The following ITGAE variants were observed in gnomAD, a reference collection of about 807,000 sequenced individuals.
ITGAE encodes the protein integrin alpha-E.
Under a neutral mutation model 136.5 loss-of-function variants are expected in ITGAE, and 99 were observed. The ratio of observed to expected loss-of-function variants is 0.73; its 90% CI spans 0.62 to 0.86. The LOEUF (loss-of-function observed/expected upper bound fraction) is 0.86, where lower values mean the gene tolerates loss of function less well. ITGAE is among the 40% of genes least tolerant of loss of function. The pLI, the probability that ITGAE is intolerant of heterozygous loss-of-function variation, is 0.00. For synonymous variants in ITGAE, 613 were observed against 591.8 expected (o/e 1.04, Z -0.52); for missense variants, 1,447 against 1,515.3 (o/e 0.95, Z 0.75).
At chr17:3,781,679 A>C (rs1043989609) in intron 1 of ITGAE, among the ~76,000 whole-genome samples, 55 of 151,984 alleles carry the variant, frequency 3.6e-4, no homozygotes, top group Admixed American at 3.6e-3. Context: ...TTATGTTCGA[A>C]CCTTTTGTCC....
At chr17:3,747,294 T>C (rs2051739459) in intron 17 of ITGAE, among the ~76,000 whole-genome samples, 3 of 150,846 alleles carry the variant, frequency 2.0e-5, no homozygotes, top group African/African-American at 7.3e-5. Flanking sequence ...CACGTGGGCA[T>C]GGAGAAATGG....
At chr17:3,769,550 A>G (rs2052372436) in intron 2 of ITGAE, among the ~76,000 whole-genome samples, 1 of 152,212 alleles carries the variant, frequency 6.6e-6, no homozygotes, top group African/African-American at 2.4e-5. Context: ...CTGACAAACC[A>G]TTGACCCACC....
chr17:3,723,626 C>T, intron 27 of ITGAE, 62 bp downstream of exon 27: 5 of 1,463,770 alleles, frequency 3.4e-6, no homozygotes, highest in South Asian at 1.3e-5. Context: ...AGTCTCCTGG[C>T]CTCTCGTTAC....
intron 6 of ITGAE, among the ~76,000 whole-genome samples, chr17:3,760,717 G>A (rs1472691205): frequency 6.6e-6 from 1 of 152,062 alleles, no homozygotes; most frequent in Non-Finnish European, 1.5e-5. Flanking sequence ...TGGGATTACA[G>A]GCATGAGCCA....
intron 24 of ITGAE, chr17:3,728,411 T>G: frequency 2.3e-6 from 1 of 427,462 alleles, no homozygotes; most frequent in Non-Finnish European, 4.2e-6. Flanking sequence ...TCTTGCTCTG[T>G]TGCCCAGGCT....
chr17:3,785,885 G>T (rs1161441968), intron 1 of ITGAE, among the ~76,000 whole-genome samples: 1 of 151,500 alleles, frequency 6.6e-6, no homozygotes, highest in Non-Finnish European at 1.5e-5. Context: ...AAAAATAGAG[G>T]GGCCAGGCGA....
Position 3,717,208 on chromosome 17 carries a change from A to AT in ITGAE, c.3334-411dup, listed in dbSNP as rs561571793. 5.2e-4 allele frequency: 86 copies of AT among 164,128 alleles called. 3 individuals are homozygous for AT. The South Asian group carries it at 0.013, about 25-fold the overall frequency. 10.2% of individuals were successfully genotyped at this position (164,128 alleles called of 1,614,324 possible). On this transcript the variant is annotated intron_variant, in intron 29 of 30. Transcript: ENST00000263087. ...TTAAAATGATGACTTCCTTTAAATG[A>AT]TCTCCAAGTCCTTTCCAACTCCGTT...
chr17:3,757,603 T>A, intron 9 of ITGAE, 103 bp downstream of exon 9: 1 of 1,230,510 alleles, frequency 8.1e-7, no homozygotes, highest in East Asian at 2.3e-5. Flanking sequence ...TAGAACAGGG[T>A]CTGGATAAGC....
intron 19 of ITGAE, among the ~76,000 whole-genome samples, chr17:3,742,283 G>C (rs1260932813): frequency 1.3e-5 from 2 of 152,146 alleles, no homozygotes; most frequent in Non-Finnish European, 2.9e-5. Flanking sequence ...TCCTGGACCA[G>C]AACCTTTTTT....
chr17:3,765,058 C>T (rs1413897466), intron 2 of ITGAE, among the ~76,000 whole-genome samples: 8 of 151,862 alleles, frequency 5.3e-5, no homozygotes. Flanking sequence ...CTTTCAAAAG[C>T]TCATGATGAG....
chr17:3,760,132 A>G, intron 7 of ITGAE, 40 bp downstream of exon 7: 1 of 1,172,922 alleles, frequency 8.5e-7, no homozygotes, highest in Non-Finnish European at 1.3e-6. Context: ...GGTGATTCTC[A>G]GCAATAGATA....
intron 2 of ITGAE, 152 bp downstream of exon 2, chr17:3,777,388 C>T: frequency 9.3e-7 from 1 of 1,074,324 alleles, no homozygotes; most frequent in Non-Finnish European, 1.3e-6. Context: ...CTCACACCTT[C>T]TCTCTTTCTC....
At chr17:3,760,116 A>T in intron 7 of ITGAE, 56 bp downstream of exon 7, 1 of 1,009,270 alleles carries the variant, frequency 9.9e-7, no homozygotes, top group Non-Finnish European at 1.6e-6. Context: ...TGTTGTTCTG[A>T]GGTAGGGTGA....
chr17:3,741,787 C>T (rs1016825159), intron 19 of ITGAE, among the ~76,000 whole-genome samples: 1 of 152,156 alleles, frequency 6.6e-6, no homozygotes, highest in Non-Finnish European at 1.5e-5. Flanking sequence ...GACAAAAATG[C>T]ATAACCTGGC....
In ITGAE at chr17:3,792,563, T is replaced by C. The variant is rs149586189; in HGVS notation, c.34+8548A>G. ...AAAAAGAACAGAAGGAAAATGATGG[T>C]TTAAAAAAAGAGGGGGATACAACAA... On this transcript the variant is annotated intron_variant, in intron 1 of 30. Transcript: ENST00000263087. Among the ~76,000 whole-genome samples the C allele has an allele frequency of 1.3e-4, 20 of 152,204 alleles. No homozygotes were observed. The East Asian group carries it at 2.3e-3, about 18-fold the overall frequency.
intron 1 of ITGAE, among the ~76,000 whole-genome samples, chr17:3,785,651 C>A (rs549518556): frequency 6.6e-6 from 1 of 151,704 alleles, no homozygotes; most frequent in South Asian, 2.1e-4. Context: ...GCAAATCAGA[C>A]CTAAAGGAAG....
At chr17:3,764,661 C>A (rs367595077) in intron 2 of ITGAE, among the ~76,000 whole-genome samples, 2 of 151,958 alleles carry the variant, frequency 1.3e-5, no homozygotes, top group African/African-American at 4.8e-5. Context: ...CACGCCACTG[C>A]ACTCCAGCCT....
rs374459526 is a variant in ITGAE, at chr17:3,761,106, C to T, written c.505G>A (p.Asp169Asn). 6.2e-7 allele frequency: 1 copy of T among 1,613,142 alleles called. No individual in the cohort carries two copies. Among genetic ancestry groups the T allele is most frequent in the Non-Finnish European group, 8.5e-7 (1 of 1,180,040 alleles). The change falls in exon 6 of 31, where the codon GAC (aspartate) becomes AAC (asparagine). Residue 169 changes from aspartate (D) to asparagine (N), a missense_variant. Transcript: ENST00000263087. ...CGCTGCCTGGCTGTGTTCACATCGT[C>T]TTCTCCACCGCCTTCTTTGTTGCTG... The part of the protein sequence containing the change: ...CYSNKEGGGE[D>N]DVNTARQRRA...
chr17:3,724,091 C>T, intron 26 of ITGAE: 1 of 1,595,914 alleles, frequency 6.3e-7, no homozygotes, highest in Non-Finnish European at 8.5e-7. Flanking sequence ...GCAGCGACGC[C>T]AGCATCGGCG....
Sources: gnomAD v4.1 joint callset for allele counts (sites outside exome capture counted in the v4.1 genomes callset) on GRCh38, gnomAD v4.1.1 for gene constraint, MANE v1.5 for transcripts, NCBI Gene and HGNC (gene_info 2026-07-23, HGNC 2026-07-21) for gene names.